Variants in APTX observed in about 807,000 individuals in gnomAD.
The protein encoded by APTX is aprataxin.
In APTX, 33 loss-of-function variants were observed where a neutral mutation model predicts 42.3. The ratio of observed to expected loss-of-function variants is 0.78; its 90% CI spans 0.59 to 1.04. The LOEUF (loss-of-function observed/expected upper bound fraction) is 1.04. Among genes scored for constraint, APTX ranks in the 50% least tolerant of loss-of-function variants. The pLI is 0.00. For missense variants in APTX, 421 were observed against 415.1 expected (o/e 1.01, Z -0.12); for synonymous variants, 130 against 146.7 (o/e 0.89, Z 0.82).
At chr9:33,024,956 G>T (rs949030528) in intron 1 of APTX, 1 of 152,034 alleles carries the variant, frequency 6.6e-6, no homozygotes, top group African/African-American at 2.4e-5. Context: ...CGCCCTCGCG[G>T]GCCCAGGCGG....
rs1837815074 is a variant in APTX at position 33,015,281 on chromosome 9, G to T, written c.-5+9742C>A. Among the ~76,000 whole-genome samples the T allele has an allele frequency of 2.6e-5, 4 of 152,180 alleles. No homozygotes were observed. In the South Asian group the frequency reaches 8.3e-4, roughly 32 times the overall value. The stretch of plus-strand genomic sequence containing the variant: ...GAAGTGTGTACACTGCGTGATGTGG[G>T]AACACAAATAATAACGCCTTATAAA... On this transcript the variant is annotated intron_variant, in intron 1 of 6. Transcript: ENST00000436040.
At chr9:32,996,224 T>C (rs1487177812) in intron 1 of APTX, among the ~76,000 whole-genome samples, 1 of 151,982 alleles carries the variant, frequency 6.6e-6, no homozygotes, top group Non-Finnish European at 1.5e-5. Flanking sequence ...GGTATGCCTG[T>C]ATGTATACCC....
At chr9:32,975,191 A>G (rs1829088526) in intron 6 of APTX, among the ~76,000 whole-genome samples, 1 of 152,214 alleles carries the variant, frequency 6.6e-6, no homozygotes, top group Non-Finnish European at 1.5e-5. Flanking sequence ...CAAGCAGCAG[A>G]AACGAGGCAG....
At chr9:32,994,314 T>C (rs1028087123) in intron 1 of APTX, among the ~76,000 whole-genome samples, 4 of 152,152 alleles carry the variant, frequency 2.6e-5, no homozygotes, top group Non-Finnish European at 5.9e-5. Flanking sequence ...TACCATAATA[T>C]CCACCACAGT....
At chr9:33,005,779 A>C (rs991610035), upstream of APTX, among the ~76,000 whole-genome samples, 1 of 152,072 alleles carries the variant, frequency 6.6e-6, no homozygotes, top group South Asian at 2.1e-4. Flanking sequence ...TCCAACTTCA[A>C]TTTTTTGCAT....
chr9:33,001,741 C>T (rs11788730), upstream of APTX: 108,062 of 1,171,370 alleles, frequency 0.092, 5,717 homozygotes, highest in Non-Finnish European at 0.11. Context: ...GCGTCCGCCC[C>T]AATTGGGTTC....
chr9:33,001,169 C>T (rs1228458482), intron 1 of APTX, among the ~76,000 whole-genome samples: 5 of 140,304 alleles, frequency 3.6e-5, no homozygotes, highest in Non-Finnish European at 7.9e-5. Context: ...TTCTGGCATT[C>T]CCTACAAGGC....
Position 32,972,927 on chromosome 9 carries a change from G to C in APTX, c.*571C>G. 2.2e-6 allele frequency: 1 copy of C among 454,080 alleles called. No individual in the cohort carries two copies. Among genetic ancestry groups the C allele is most frequent in the South Asian group, 1.6e-5 (1 of 64,474 alleles). 28.1% of individuals were successfully genotyped at this position (454,080 alleles called of 1,614,324 possible). On this transcript the variant is annotated 3_prime_UTR_variant, in exon 8 of 8. Coordinates refer to ENST00000379817, the MANE Select transcript of APTX (RefSeq NM_001195248.2). ...GCCTCTTTTCTCACTGTGAAGAACT[G>C]ATGAGACAGAATTCCTGAGAAGGGA... is the stretch of plus-strand genomic sequence containing the variant.
At chr9:32,982,789 G>A (rs1830984504) in intron 6 of APTX, among the ~76,000 whole-genome samples, 1 of 152,088 alleles carries the variant, frequency 6.6e-6, no homozygotes, top group Admixed American at 6.5e-5. Context: ...GTTAGTCAGG[G>A]GCTCTGCATT....
At chr9:32,982,675 G>A (rs1428506545) in intron 6 of APTX, among the ~76,000 whole-genome samples, 2 of 152,002 alleles carry the variant, frequency 1.3e-5, no homozygotes, top group African/African-American at 4.8e-5. Flanking sequence ...ACCTACCACA[G>A]CTCTTGCTGT....
intron 6 of APTX, among the ~76,000 whole-genome samples, chr9:32,982,137 A>G (rs992482877): frequency 1.3e-5 from 2 of 152,178 alleles, no homozygotes; most frequent in Non-Finnish European, 2.9e-5. Context: ...ACAATCAGAA[A>G]TATCACTTCA....
chr9:32,976,188 T>C (rs1338661332), intron 6 of APTX, among the ~76,000 whole-genome samples: 2 of 117,370 alleles, frequency 1.7e-5, no homozygotes, highest in Non-Finnish European at 3.2e-5. Context: ...TGAGATCACT[T>C]GGACACAGGG....
At chr9:33,003,275 C>T (rs1193220204), upstream of APTX, among the ~76,000 whole-genome samples, 1 of 152,108 alleles carries the variant, frequency 6.6e-6, no homozygotes, top group African/African-American at 2.4e-5. Context: ...GTATTAGTGG[C>T]CAGAAAAGCA....
At chr9:33,007,924 T>C (rs1391526258) in intron 1 of APTX, among the ~76,000 whole-genome samples, 2 of 151,962 alleles carry the variant, frequency 1.3e-5, no homozygotes, top group African/African-American at 4.8e-5. Flanking sequence ...CTGGTTTCCT[T>C]CCCATCCCTG....
chr9:33,015,728 C>T (rs1403913905), intron 1 of APTX, among the ~76,000 whole-genome samples: 1 of 152,214 alleles, frequency 6.6e-6, no homozygotes, highest in Non-Finnish European at 1.5e-5. Flanking sequence ...GTTGCTGCCA[C>T]ATGCATGCAA....
intron 1 of APTX, among the ~76,000 whole-genome samples, chr9:33,023,717 A>G (rs1052252077): frequency 6.6e-6 from 1 of 152,252 alleles, no homozygotes; most frequent in African/African-American, 2.4e-5. Context: ...TATATGGGAA[A>G]CTGCGGATAG....
In APTX at chr9:33,001,558, C is replaced by T. The variant is rs1236478387; in HGVS notation, c.-5+9G>A. Reference sequence around the variant, plus strand: ...GCCAGCAGAAGAGATAGGCTGACGACCGCCTTACCTCCAGAAGTCGGAGAC... The same window carrying T: ...GCCAGCAGAAGAGATAGGCTGACGATCGCCTTACCTCCAGAAGTCGGAGAC... On this transcript the variant is annotated intron_variant, in intron 1 of 7. Coordinates refer to ENST00000379817, the MANE Select transcript of APTX (RefSeq NM_001195248.2). 11 of 1,613,828 alleles carry T rather than the reference C, an allele frequency of 6.8e-6. No homozygotes were observed. Among genetic ancestry groups the T allele is most frequent in the South Asian group, 1.1e-5 (1 of 91,074 alleles).
intron 1 of APTX, among the ~76,000 whole-genome samples, chr9:32,991,480 C>T (rs1362622123): frequency 6.6e-6 from 1 of 151,950 alleles, no homozygotes; most frequent in Non-Finnish European, 1.5e-5. Context: ...TGGGGAATGA[C>T]AAAGGAATAA....
intron 1 of APTX, among the ~76,000 whole-genome samples, chr9:32,991,224 C>A (rs1294457702): frequency 6.6e-6 from 1 of 152,176 alleles, no homozygotes; most frequent in Non-Finnish European, 1.5e-5. Flanking sequence ...CCGTGCCCGG[C>A]CGCAAACCTA....
Sources: gnomAD v4.1 joint callset for allele counts (sites outside exome capture counted in the v4.1 genomes callset) on GRCh38, gnomAD v4.1.1 for gene constraint, MANE v1.5 for transcripts, NCBI Gene and HGNC (gene_info 2026-07-23, HGNC 2026-07-21) for gene names.